Variants in FAM20C observed in about 807,000 individuals in gnomAD.
FAM20C encodes extracellular serine/threonine protein kinase FAM20C.
FAM20C carries 40 observed loss-of-function variants against 51.5 expected under a neutral mutation model. The ratio of observed to expected loss-of-function variants is 0.78; its 90% CI spans 0.60 to 1.01. The LOEUF (loss-of-function observed/expected upper bound fraction) is 1.01. Among genes scored for constraint, FAM20C ranks in the 50% least tolerant of loss-of-function variants. The pLI, the probability that FAM20C is intolerant of heterozygous loss-of-function variation, is 0.00. For missense variants in FAM20C, 861 were observed against 844.7 expected (o/e 1.02, Z -0.24); for synonymous variants, 406 against 380.6 (o/e 1.07, Z -0.78).
chr7:231,909 G>A (rs1787704388), intron 3 of FAM20C, among the ~76,000 whole-genome samples: 1 of 152,232 alleles, frequency 6.6e-6, no homozygotes, highest in East Asian at 1.9e-4. Context: ...CCTCTGTGCT[G>A]AGCAGGACAC....
rs753562131 is a variant in FAM20C, at chr7:193,253, G to C, written c.54G>C (p.Leu18=). 3.7e-5 allele frequency: 55 copies of C among 1,466,826 alleles called. No individual in the cohort carries two copies. In the African/African-American group the frequency reaches 7.5e-4, roughly 20 times the overall value. The allele number at this position is 1,466,826 out of a possible 1,614,324, so 90.9% of individuals were successfully genotyped here. A position where few individuals can be genotyped will look rare whatever the true frequency, so the allele number is the denominator to read the frequency against. ...GCGTGCTCATCCTGATGGTGTTCCT[G>C]GTGGCCTGCGCGCTGCACATCGCCC... ...RFRVLILMVF[L]VACALHIALD... The change falls in exon 1 of 10, where the codon CTG becomes CTC. Residue 18 remains leucine (L), a synonymous_variant. Coordinates refer to ENST00000313766, the MANE Select transcript of FAM20C (RefSeq NM_020223.4).
At chr7:202,300 TG>T (rs1237578208) in intron 2 of FAM20C, among the ~76,000 whole-genome samples, 1 of 142,560 alleles carries the variant, frequency 7.0e-6, no homozygotes, top group Non-Finnish European at 1.5e-5. Context: ...TACTGGGGAA[TG>T]GGGGGGCCCT....
At position 259,761 on chromosome 7, in the gene FAM20C, G is replaced by A. The variant is rs1350271110; in HGVS notation, c.1536G>A (p.Gln512=). ...GGAAGTCCACCTACCTGCGTCTGCA[G>A]CTCCTGGCCAAGGAGGAGTACAAGC... ...RIRKSTYLRL[Q]LLAKEEYKLS... is the part of the protein sequence containing the mutation. The change falls in exon 10 of 10, where the codon CAG becomes CAA. Residue 512 remains glutamine (Q), a synonymous_variant. Transcript: ENST00000313766. 6.5e-7 allele frequency: 1 copy of A among 1,536,536 alleles called. No individual in the cohort carries two copies. Among genetic ancestry groups the A allele is most frequent in the Non-Finnish European group, 8.7e-7 (1 of 1,146,606 alleles).
At chr7:256,510 T>TGCAGCCTCAGCGCC in intron 6 of FAM20C, 144 bp from the exon 7 acceptor site, 1 of 683,506 alleles carries the variant, frequency 1.5e-6, no homozygotes, top group South Asian at 1.8e-5. Context: ...CTCCCGCTAA[T>TGCAGCCTCAGCGCC]GCAGCCTCAG....
At chr7:256,110 C>T (rs747591791) in intron 6 of FAM20C, 81 bp downstream of exon 6, 522 of 1,478,802 alleles carry the variant, frequency 3.5e-4, no homozygotes, top group Non-Finnish European at 4.1e-4. Context: ...GGAGGGTCGG[C>T]GCCCACGGGG....
intron 2 of FAM20C, among the ~76,000 whole-genome samples, chr7:196,432 A>C (rs1320945143): frequency 2.6e-5 from 4 of 152,202 alleles, no homozygotes; most frequent in Non-Finnish European, 5.9e-5. Context: ...ATTGTTTGTG[A>C]AGGTCCCATT....
In FAM20C at chr7:193,179, C is replaced by A. The variant is rs1314078474; in HGVS notation, c.-21C>A. 9 of 1,446,950 alleles carry A rather than the reference C, an allele frequency of 6.2e-6. No homozygotes were observed. The highest frequency in any genetic ancestry group is 4.1e-4 in the Middle Eastern group (2 of 4,858). The allele number at this position is 1,446,950 out of a possible 1,614,324, so 89.6% of individuals were successfully genotyped here. ...GCGCGCGGGCAGAACGCGCTCCAGG[C>A]CCGGGCCGGCCCGCGCGGCCATGAA... On this transcript the variant is annotated 5_prime_UTR_variant, in exon 1 of 10. Transcript: ENST00000313766.
intron 3 of FAM20C, among the ~76,000 whole-genome samples, chr7:211,179 C>CCCAACCTCCCTCAGCCTCCT (rs1376868727): frequency 2.0e-5 from 3 of 147,902 alleles, no homozygotes; most frequent in Non-Finnish European, 4.5e-5. Context: ...GCCAACCTCC[C>CCCAACCTCCCTCAGCCTCCT]CCAACCTCCC....
At chr7:216,534 C>G (rs768193975) in intron 3 of FAM20C, among the ~76,000 whole-genome samples, 66 of 151,902 alleles carry the variant, frequency 4.3e-4, no homozygotes, top group Non-Finnish European at 7.4e-4. Flanking sequence ...GAGCCCTGGT[C>G]CTTGATGCTG....
chr7:232,826 C>T (rs1046811766), intron 3 of FAM20C, among the ~76,000 whole-genome samples: 89 of 152,304 alleles, frequency 5.8e-4, no homozygotes, highest in Non-Finnish European at 1.1e-3. Context: ...GTGTCCCTCC[C>T]GCTGAAGCCA....
chr7:208,511 G>A (rs1397150468), intron 2 of FAM20C, among the ~76,000 whole-genome samples: 1 of 120,096 alleles, frequency 8.3e-6, no homozygotes, highest in Non-Finnish European at 1.9e-5. Context: ...GTGAGTGTAT[G>A]TAGGTGTGTG....
At chr7:204,907 TC>T (rs1165865244) in intron 2 of FAM20C, among the ~76,000 whole-genome samples, 2 of 152,164 alleles carry the variant, frequency 1.3e-5, no homozygotes, top group Admixed American at 1.3e-4. Context: ...CTGCCGCTGT[TC>T]TCGGTGCTCG....
intron 3 of FAM20C, among the ~76,000 whole-genome samples, chr7:233,572 T>C (rs1787762940): frequency 6.6e-6 from 1 of 152,112 alleles, no homozygotes; most frequent in Non-Finnish European, 1.5e-5. Context: ...TCCTGGCCCT[T>C]CCGGCTCCTG....
chr7:253,113 G>A (rs2115164590), intron 5 of FAM20C, among the ~76,000 whole-genome samples: 1 of 152,294 alleles, frequency 6.6e-6, no homozygotes, highest in African/African-American at 2.4e-5. Context: ...TCTCTCCAGT[G>A]CTGCGTCCAG....
chr7:228,284 T>A (rs1787521663), intron 3 of FAM20C: 2 of 362,644 alleles, frequency 5.5e-6, no homozygotes, highest in Admixed American at 7.1e-5. Context: ...GGCTCAGTGC[T>A]GCCTGTCCCC....
In FAM20C at chr7:260,078, G is replaced by A. The variant is rs1460657647; in HGVS notation, c.*98G>A. 6.4e-6 allele frequency: 9 copies of A among 1,399,486 alleles called. No homozygotes were observed. The highest frequency in any genetic ancestry group is 8.4e-6 in the Non-Finnish European group (9 of 1,072,468). The allele number at this position is 1,399,486 out of a possible 1,614,324, so 86.7% of individuals were successfully genotyped here. The stretch of plus-strand genomic sequence containing the variant: ...CGTGAATTCAGTGAATTCAGAGGCA[G>A]GACGGGATCATCCGGAGTCGGGAGC... On this transcript the variant is annotated 3_prime_UTR_variant, in exon 10 of 10. Transcript: ENST00000313766.
chr7:255,543 T>A (rs151117657), intron 5 of FAM20C, among the ~76,000 whole-genome samples: 1,610 of 152,342 alleles, frequency 0.011, 30 homozygotes, highest in African/African-American at 0.035. Flanking sequence ...TTCTTGACAA[T>A]ATGAATGCAT....
chr7:200,849 G>T (rs536146869), intron 2 of FAM20C, among the ~76,000 whole-genome samples: 8 of 152,266 alleles, frequency 5.3e-5, no homozygotes, highest in African/African-American at 1.9e-4. Flanking sequence ...GCAGGTGCAG[G>T]CTCCCAGCTC....
intron 3 of FAM20C, chr7:229,193 G>A: frequency 3.9e-6 from 1 of 256,858 alleles, no homozygotes; most frequent in Non-Finnish European, 7.8e-6. Context: ...GATTGTCTGG[G>A]CTCCGATGTG....
Sources: gnomAD v4.1 joint callset for allele counts (sites outside exome capture counted in the v4.1 genomes callset) on GRCh38, gnomAD v4.1.1 for gene constraint, MANE v1.5 for transcripts, NCBI Gene and HGNC (gene_info 2026-07-23, HGNC 2026-07-21) for gene names.